Variants in QRICH1 observed in about 807,000 individuals in gnomAD.
QRICH1 encodes the protein transcriptional regulator QRICH1.
A neutral mutation model predicts 87.1 loss-of-function variants in QRICH1; 16 were observed. The ratio of observed to expected loss-of-function variants is 0.18; its 90% CI spans 0.12 to 0.28. The LOEUF is 0.28. QRICH1 is among the 10% of genes least tolerant of loss of function. The probability of loss-of-function intolerance (pLI) is 1.00; values close to 1 mark genes in which losing one functional copy is unlikely to be tolerated. For missense variants in QRICH1, 647 were observed against 951.7 expected, an observed-to-expected ratio of 0.68 and a Z score of 4.21; for synonymous variants, 367 against 368.4, an observed-to-expected ratio of 1.00 and a Z score of 0.05.
In QRICH1 at chr3:49,037,687, G is replaced by T. The variant is rs758065580; in HGVS notation, c.1787-4459C>A. 2.0e-5 allele frequency among the ~76,000 whole-genome samples: 3 copies of T among 150,482 alleles called. No homozygotes were observed. In the South Asian group the frequency reaches 6.3e-4, roughly 32 times the overall value. On this transcript the variant is annotated intron_variant, in intron 6 of 9. Transcript: ENST00000395443. ...GTGGAGGTTACAGTGAGCCGAGATTGCACCACTGAACTCCAACGTGGGCAA... is the reference window on the plus strand; with the variant it reads ...GTGGAGGTTACAGTGAGCCGAGATTTCACCACTGAACTCCAACGTGGGCAA...
Position 49,057,263 on chromosome 3 carries a change from C to A in QRICH1, c.937G>T (p.Val313Phe). 1 of 1,614,222 alleles carries A rather than the reference C, an allele frequency of 6.2e-7. No individual in the cohort carries two copies. The highest frequency in any genetic ancestry group is 8.5e-7 in the Non-Finnish European group (1 of 1,180,050). Residue 313 changes from valine (V) to phenylalanine (F), a missense_variant, in exon 3 of 10, where the codon GTT (valine) becomes TTT (phenylalanine). Physicochemically the swap from Val to Phe is conservative, Grantham distance 50. Coordinates refer to ENST00000395443, the MANE Select transcript of QRICH1 (RefSeq NM_198880.3). This position sits in a 1 kb window ranked among gnomAD's most constrained non-coding sequence, Gnocchi z 5.4. ...SPTGETWTIP[V>F]YSAQPRGDPQ... ...TCCCCCCGGGGCTGGGCAGAATAAA[C>A]AGGGATGGTCCAGGTTTCTCCTGTA...
At chr3:49,087,528 G>C (rs1393863633) in intron 1 of QRICH1, among the ~76,000 whole-genome samples, 1 of 151,476 alleles carries the variant, frequency 6.6e-6, no homozygotes, top group African/African-American at 2.4e-5. Flanking sequence ...CTGGGCAACA[G>C]AGCAAGACTC....
intron 7 of QRICH1, 158 bp downstream of exon 7, chr3:49,032,962 G>T: frequency 1.1e-6 from 1 of 908,018 alleles, no homozygotes; most frequent in Non-Finnish European, 1.6e-6. Context: ...AAGGGTGTTT[G>T]CCTCACTGGT....
intron 2 of QRICH1, among the ~76,000 whole-genome samples, chr3:49,066,936 G>C (rs1384594183): frequency 1.3e-5 from 2 of 151,874 alleles, no homozygotes; most frequent in African/African-American, 4.8e-5. Flanking sequence ...GACTCAGGAG[G>C]CTGAGGTAGG....
intron 1 of QRICH1, among the ~76,000 whole-genome samples, chr3:49,080,805 G>T (rs912870559): frequency 1.3e-4 from 19 of 150,744 alleles, no homozygotes; most frequent in African/African-American, 4.6e-4. Context: ...AGGTTTCTTG[G>T]GGGGTTGGGG....
intron 3 of QRICH1, among the ~76,000 whole-genome samples, chr3:49,050,871 C>T (rs2093366548): frequency 6.6e-6 from 1 of 152,184 alleles, no homozygotes; most frequent in African/African-American, 2.4e-5. Context: ...GTGACCCATG[C>T]AGACATCCCC....
chr3:49,093,258 G>A (rs994511327), intron 1 of QRICH1: 36 of 152,210 alleles, frequency 2.4e-4, no homozygotes, highest in African/African-American at 8.2e-4. Flanking sequence ...ACCGTACTTG[G>A]GCCTCAAGTA....
intron 2 of QRICH1, among the ~76,000 whole-genome samples, chr3:49,068,622 T>G (rs2093481942): frequency 6.6e-6 from 1 of 151,332 alleles, no homozygotes; most frequent in South Asian, 2.1e-4. Flanking sequence ...CAAGCTTGGC[T>G]AAAATTTCTT....
chr3:49,041,434 C>G (rs2093309255), intron 6 of QRICH1, among the ~76,000 whole-genome samples: 2 of 151,996 alleles, frequency 1.3e-5, no homozygotes. Flanking sequence ...CTCAAGCAAT[C>G]CTCTCACCAT....
chr3:49,087,287 A>G (rs1229086518), intron 1 of QRICH1, among the ~76,000 whole-genome samples: 1 of 151,688 alleles, frequency 6.6e-6, no homozygotes, highest in Non-Finnish European at 1.5e-5. Flanking sequence ...GGCCAGGCAC[A>G]GTGGCTCACG....
intron 3 of QRICH1, 87 bp downstream of exon 3, chr3:49,056,775 A>G: frequency 3.2e-6 from 5 of 1,585,980 alleles, no homozygotes; most frequent in Non-Finnish European, 4.3e-6. Flanking sequence ...ACAGCAGTAA[A>G]TAAGCCAGAG....
chr3:49,073,644 A>G (rs1247734713), intron 2 of QRICH1, among the ~76,000 whole-genome samples: 1 of 151,512 alleles, frequency 6.6e-6, no homozygotes, highest in Non-Finnish European at 1.5e-5. Context: ...GTGCCTTACA[A>G]TTTTTATTTT....
chr3:49,093,762 C>A, intron 1 of QRICH1, 150 bp downstream of exon 1: 1 of 333,188 alleles, frequency 3.0e-6, no homozygotes. Flanking sequence ...GGTGCGCTAG[C>A]CCAGGAACGT....
intron 3 of QRICH1, among the ~76,000 whole-genome samples, chr3:49,049,599 G>C (rs1439363203): frequency 2.0e-5 from 3 of 151,934 alleles, no homozygotes; most frequent in Admixed American, 6.5e-5. Context: ...CCAGGTTCAA[G>C]GCATTCTCCT....
chr3:49,094,216 G>C (rs531743748), upstream of QRICH1: 2 of 386,682 alleles, frequency 5.2e-6, no homozygotes, highest in Non-Finnish European at 9.1e-6. Flanking sequence ...GGATCCTAGG[G>C]TATGGAGCGG....
In QRICH1 at chr3:49,056,937, C is replaced by A. The variant is rs1268080281; in HGVS notation, c.1263G>T (p.Gln421His). The A allele has an allele frequency of 2.5e-6, 4 of 1,614,156 alleles. No individual in the cohort carries two copies. ...QTVHIWDPQQ[Q>H]PQQQTPQEQT... ...GTTCCTGGGGAGTTTGCTGCTGCGG[C>A]TGCTGTTGGGGGTCCCATATATGGA... is the stretch of plus-strand genomic sequence containing the variant. The change falls in exon 3 of 10, where the codon CAG (glutamine) becomes CAT (histidine). Residue 421 changes from glutamine to histidine, a missense_variant. Physicochemically the swap from Gln to His is conservative, Grantham distance 24 (BLOSUM62 0). Coordinates refer to ENST00000395443, the MANE Select transcript of QRICH1 (RefSeq NM_198880.3).
intron 9 of QRICH1, among the ~76,000 whole-genome samples, chr3:49,031,610 C>G (rs950668993): frequency 3.3e-5 from 5 of 152,130 alleles, no homozygotes; most frequent in African/African-American, 1.2e-4. Flanking sequence ...GAAACAGTCA[C>G]AGGGAAGAGG....
intron 1 of QRICH1, among the ~76,000 whole-genome samples, chr3:49,089,883 G>T (rs1386767260): frequency 6.6e-6 from 1 of 152,138 alleles, no homozygotes; most frequent in South Asian, 2.1e-4. Flanking sequence ...ACCCACGAAG[G>T]GTTCAGAGAT....
At chr3:49,030,969 C>T (rs970096828) in intron 9 of QRICH1, among the ~76,000 whole-genome samples, 4 of 150,878 alleles carry the variant, frequency 2.7e-5, no homozygotes, top group East Asian at 1.9e-4. Flanking sequence ...CTGCTCAAAG[C>T]GTCTATCTCC....
Sources: allele counts gnomAD v4.1 joint callset (sites outside exome capture counted in the v4.1 genomes callset), GRCh38; gene constraint gnomAD v4.1.1; non-coding constraint Gnocchi (gnomAD v3.1); transcripts MANE v1.5; gene names NCBI Gene and HGNC (gene_info 2026-07-23, HGNC 2026-07-21).